The following LARGE1 variants were observed in gnomAD, a reference collection of about 807,000 sequenced individuals.
LARGE1 encodes the protein LARGE xylosyl- and glucuronyltransferase 1, also known as xylosyl- and glucuronyltransferase LARGE1.
In LARGE1, 43 loss-of-function variants were observed where a neutral mutation model predicts 87.6. The ratio of observed to expected loss-of-function variants is 0.49; its 90% CI spans 0.38 to 0.63. LARGE1 has a LOEUF of 0.63. Ranked by LOEUF, LARGE1 falls within the 30% of genes least tolerant of loss-of-function variation. The pLI, the probability that LARGE1 is intolerant of heterozygous loss-of-function variation, is 0.00. For synonymous variants in LARGE1, 434 were observed against 394.6 expected (o/e 1.10, Z -1.18); for missense variants, 802 against 1,000.2 (o/e 0.80, Z 2.67).
intron 1 of LARGE1, among the ~76,000 whole-genome samples, chr22:33,908,824 T>C (rs1275248884): frequency 6.6e-6 from 1 of 152,020 alleles, no homozygotes. Flanking sequence ...CAAAGCAAGC[T>C]CCTCCTCAGA....
At chr22:33,592,675 A>G (rs1029482693) in intron 5 of LARGE1, among the ~76,000 whole-genome samples, 4 of 149,886 alleles carry the variant, frequency 2.7e-5, no homozygotes, top group Non-Finnish European at 5.9e-5. Flanking sequence ...ATATCACTCT[A>G]TGTGTAACTC....
intron 6 of LARGE1, among the ~76,000 whole-genome samples, chr22:33,462,030 T>A (rs1281178475): frequency 6.6e-6 from 1 of 152,236 alleles, no homozygotes; most frequent in Non-Finnish European, 1.5e-5. Flanking sequence ...CAAATCCAAT[T>A]ATTTTAAGCC....
At position 33,297,904 on chromosome 22, in the gene LARGE1, C is replaced by T. The variant is rs562606393; in HGVS notation, c.1730+6325G>A. 2.1e-4 allele frequency among the ~76,000 whole-genome samples: 29 copies of T among 141,386 alleles called. No homozygotes were observed. In the East Asian group the frequency reaches 5.8e-3, roughly 28 times the overall value. The allele number at this position is 141,386 out of a possible 152,430, so 92.8% of individuals were successfully genotyped here. A position where few individuals can be genotyped will look rare whatever the true frequency, so the allele number is the denominator to read the frequency against. ...CTGAGGCAGGAGAATCGCTTGAACCCGGGAGGCAGAGGTTGCAGTGAGCTG... is the reference window on the plus strand; with the variant it reads ...CTGAGGCAGGAGAATCGCTTGAACCTGGGAGGCAGAGGTTGCAGTGAGCTG... On this transcript the variant is annotated intron_variant, in intron 12 of 14. Coordinates refer to ENST00000397394, the MANE Select transcript of LARGE1 (RefSeq NM_133642.5).
At position 33,362,122 on chromosome 22, in the gene LARGE1, A is replaced by G. The variant is rs527354615; in HGVS notation, c.1131+19797T>C. 5.4e-5 allele frequency among the ~76,000 whole-genome samples: 8 copies of G among 149,488 alleles called. No individual in the cohort carries two copies. The East Asian group carries it at 1.6e-3, about 29-fold the overall frequency. On this transcript the variant is annotated intron_variant, in intron 9 of 14. Coordinates refer to ENST00000397394, the MANE Select transcript of LARGE1 (RefSeq NM_133642.5). ...GTTTGTGCCACTGGTAAAGTGATAA[A>G]AAGATGCTCCCTTGGGCCCTTCCCT...
At chr22:33,412,055 G>A (rs1222831319) in intron 7 of LARGE1, among the ~76,000 whole-genome samples, 2 of 152,112 alleles carry the variant, frequency 1.3e-5, no homozygotes, top group East Asian at 1.9e-4. Flanking sequence ...AGGCTGAGGC[G>A]GGCAGATCAC....
At chr22:33,738,130 G>A (rs2083726177) in intron 2 of LARGE1, among the ~76,000 whole-genome samples, 1 of 152,106 alleles carries the variant, frequency 6.6e-6, no homozygotes. Context: ...GGTTCTTAGC[G>A]CTAATGTCAT....
the LARGE1 span, among the ~76,000 whole-genome samples, chr22:33,094,318 C>G: frequency 6.6e-6 from 1 of 152,082 alleles, no homozygotes; most frequent in Admixed American, 6.5e-5. Context: ...TTGCACGGAC[C>G]GTTGCACTAA....
At chr22:33,661,975 AG>A (rs955840002) in intron 2 of LARGE1, among the ~76,000 whole-genome samples, 4 of 149,926 alleles carry the variant, frequency 2.7e-5, no homozygotes, top group African/African-American at 9.8e-5. Flanking sequence ...AAAAATCTAG[AG>A]CAGGGGTGTC....
rs2069281831 is a variant in LARGE1, at chr22:33,480,686, T to G, written c.788-48421A>C. ...CAAAAAAAATTCCTTTCATAAAATG[T>G]GCACACTTGAAAAAACACAAAAAGA... On this transcript the variant is annotated intron_variant, in intron 6 of 14. Coordinates refer to ENST00000397394, the MANE Select transcript of LARGE1 (RefSeq NM_133642.5). Among the ~76,000 whole-genome samples, 4 of 152,208 alleles carry G rather than the reference T, an allele frequency of 2.6e-5. No individual in the cohort carries two copies. The South Asian group carries it at 8.3e-4, about 31-fold the overall frequency.
intron 7 of LARGE1, among the ~76,000 whole-genome samples, chr22:33,428,438 C>A (rs1373790144): frequency 6.6e-6 from 1 of 151,136 alleles, no homozygotes; most frequent in South Asian, 2.1e-4. Context: ...CTCAGCCTCC[C>A]GAGTAGCTGG....
chr22:33,568,917 C>T lies in LARGE1; in HGVS notation c.616-3898G>A, dbSNP rs114056659. Among the ~76,000 whole-genome samples, 799 of 152,110 alleles carry T rather than the reference C, an allele frequency of 5.3e-3. 7 individuals are homozygous for T. The highest frequency in any genetic ancestry group is 0.018 in the African/African-American group (764 of 41,494). ...TGGCAGGCAGGCATAGGAAGGCGGG[C>T]GATTTGTCTACAATCCCACAGCCAG... On this transcript the variant is annotated intron_variant, in intron 5 of 14. Coordinates refer to ENST00000397394, the MANE Select transcript of LARGE1 (RefSeq NM_133642.5).
chr22:33,646,330 C>A (rs773473132), intron 3 of LARGE1, among the ~76,000 whole-genome samples: 4 of 152,060 alleles, frequency 2.6e-5, no homozygotes, highest in Non-Finnish European at 4.4e-5. Flanking sequence ...CAAACTAACA[C>A]AGGAACAGAA....
intron 6 of LARGE1, among the ~76,000 whole-genome samples, chr22:33,519,995 T>C (rs1321252954): frequency 6.7e-6 from 1 of 149,864 alleles, no homozygotes; most frequent in African/African-American, 2.5e-5. Flanking sequence ...CAGTGGTTTT[T>C]CTCTTTTTTT....
chr22:33,653,573 G>A (rs1189524036), intron 2 of LARGE1, among the ~76,000 whole-genome samples: 3 of 152,132 alleles, frequency 2.0e-5, no homozygotes, highest in African/African-American at 7.2e-5. Flanking sequence ...TTTTTCTTCT[G>A]TGAAATGGGA....
At chr22:33,542,359 G>A (rs185176028) in intron 6 of LARGE1, among the ~76,000 whole-genome samples, 156 of 151,860 alleles carry the variant, frequency 1.0e-3, no homozygotes, top group Non-Finnish European at 1.6e-3. Flanking sequence ...GGCAGATTTC[G>A]TCATTCTTCC....
At chr22:33,478,088 A>G (rs370438607) in intron 6 of LARGE1, among the ~76,000 whole-genome samples, 2 of 152,144 alleles carry the variant, frequency 1.3e-5, no homozygotes, top group Admixed American at 6.6e-5. Flanking sequence ...GTCAAGTTCA[A>G]TGGGCACTGG....
At chr22:33,583,336 C>A (rs1253829785) in intron 5 of LARGE1, among the ~76,000 whole-genome samples, 1 of 152,230 alleles carries the variant, frequency 6.6e-6, no homozygotes, top group South Asian at 2.1e-4. Context: ...AAAACACCTT[C>A]TTTTTGAGAA....
chr22:33,763,881 C>T (rs988983849), intron 1 of LARGE1, among the ~76,000 whole-genome samples: 1 of 123,298 alleles, frequency 8.1e-6, no homozygotes, highest in Non-Finnish European at 1.6e-5. Context: ...GACAGAGACT[C>T]ACTCTGTCAC....
chr22:33,664,596 G>T (rs2081215619), intron 2 of LARGE1, among the ~76,000 whole-genome samples: 1 of 152,196 alleles, frequency 6.6e-6, no homozygotes, highest in South Asian at 2.1e-4. Context: ...GCCGGGCACA[G>T]TGGCTCATGC....
Sources: gnomAD v4.1 joint callset for allele counts (sites outside exome capture counted in the v4.1 genomes callset) on GRCh38, gnomAD v4.1.1 for gene constraint, MANE v1.5 for transcripts, NCBI Gene and HGNC (gene_info 2026-07-23, HGNC 2026-07-21) for gene names.